Variants in SORL1-AS1 observed in about 807,000 individuals in gnomAD.
SORL1-AS1 encodes SORL1 antisense RNA 1, also known as lncRNA 51 A.
At chr11:121,440,389 A>C in the SORL1-AS1 span, among the ~76,000 whole-genome samples, 2 of 152,158 alleles carry the variant, frequency 1.3e-5, no homozygotes, top group South Asian at 4.1e-4. Flanking sequence ...AAATAAATAA[A>C]CAAACAAATA....
the SORL1-AS1 span, among the ~76,000 whole-genome samples, chr11:121,441,643 A>G: frequency 2.0e-5 from 3 of 151,776 alleles, no homozygotes; most frequent in African/African-American, 7.3e-5. Flanking sequence ...AGTGATGTGT[A>G]TGCACTGGCT....
intron 1 of SORL1-AS1, among the ~76,000 whole-genome samples, chr11:121,451,625 T>A (rs1306593902): frequency 6.6e-6 from 1 of 152,224 alleles, no homozygotes; most frequent in Non-Finnish European, 1.5e-5. Flanking sequence ...CTGTGCAGGA[T>A]GTTTATTTGC....
rs1241508891 is a variant in SORL1-AS1, at chr11:121,452,336, C to G, written n.339+339G>C. The G allele has an allele frequency of 1.9e-6, 3 of 1,541,608 alleles. No individual in the cohort carries two copies. Among genetic ancestry groups the G allele is most frequent in the Non-Finnish European group, 1.7e-6 (2 of 1,148,806 alleles). On this transcript the variant is annotated intron_variant and non_coding_transcript_variant, in intron 1 of 1. Coordinates refer to ENST00000501964, the Ensembl canonical transcript of SORL1-AS1. This position sits in a 1 kb window ranked among gnomAD's most constrained non-coding sequence, Gnocchi z 5.3. ...TGCAGTAGCGTTCGCCCGAACATGG[C>G]GACACGGAGCAGCAGGAGGGAGTCG...
chr11:121,439,993 G>A, the SORL1-AS1 span, among the ~76,000 whole-genome samples: 1 of 152,158 alleles, frequency 6.6e-6, no homozygotes, highest in South Asian at 2.1e-4. Context: ...GGATTCTGGG[G>A]GAAGTTCACA....
At chr11:121,447,520 C>T (rs1050497632) in exon 2 of SORL1-AS1, 3 of 151,958 alleles carry the variant, frequency 2.0e-5, no homozygotes, top group African/African-American at 7.3e-5. Flanking sequence ...GACACATTGC[C>T]CAGGCTGGTC....
downstream of SORL1-AS1, among the ~76,000 whole-genome samples, chr11:121,444,940 A>G (rs1860705141): frequency 6.6e-6 from 1 of 152,234 alleles, no homozygotes; most frequent in African/African-American, 2.4e-5. Context: ...ATTGAAAACG[A>G]AGAATTTTTC....
chr11:121,452,214 G>A lies in SORL1-AS1; in HGVS notation n.339+461C>T. On this transcript the variant is annotated intron_variant and non_coding_transcript_variant, in intron 1 of 1. Coordinates refer to ENST00000501964, the Ensembl canonical transcript of SORL1-AS1. The surrounding 1 kb of genome is among the most constrained non-coding windows in gnomAD (Gnocchi z 5.3). The stretch of plus-strand genomic sequence containing the variant: ...GCGCAGCGGGGCGGCCCGGAGCGGC[G>A]CGGGCGGCCTGGAGCCCCGGGAGCG... 1.5e-6 allele frequency: 1 copy of A among 650,858 alleles called. No homozygotes were observed. Among genetic ancestry groups the A allele is most frequent in the South Asian group, 6.7e-5 (1 of 14,838 alleles). 40.3% of individuals were successfully genotyped at this position (650,858 alleles called of 1,614,324 possible).
downstream of SORL1-AS1, among the ~76,000 whole-genome samples, chr11:121,445,125 C>T (rs2134749004): frequency 6.6e-6 from 1 of 152,304 alleles, no homozygotes. Context: ...ATTAAAAGCA[C>T]TTGCAGTTTT....
intron 1 of SORL1-AS1, among the ~76,000 whole-genome samples, chr11:121,451,214 G>A (rs1488554673): frequency 6.6e-6 from 1 of 152,166 alleles, no homozygotes; most frequent in Non-Finnish European, 1.5e-5. Flanking sequence ...AGGAAAGGTT[G>A]CAGTAGTACA....
rs776826453 is a variant in SORL1-AS1 at position 121,452,573 on chromosome 11, G to A, written n.339+102C>T. ...GACGAGAAGCCGCTCCGGAGGAAAC[G>A]GAGCGCTGCCCTGCAGCCCGAGCCC... On this transcript the variant is annotated intron_variant and non_coding_transcript_variant, in intron 1 of 1. Transcript: ENST00000501964. The surrounding 1 kb of genome is among the most constrained non-coding windows in gnomAD (Gnocchi z 5.3). 6.6e-7 allele frequency: 1 copy of A among 1,520,408 alleles called. No individual in the cohort carries two copies. Among genetic ancestry groups the A allele is most frequent in the East Asian group, 2.6e-5 (1 of 37,796 alleles). 94.2% of individuals were successfully genotyped at this position (1,520,408 alleles called of 1,614,324 possible). A position where few individuals can be genotyped will look rare whatever the true frequency, so the allele number is the denominator to read the frequency against.
downstream of SORL1-AS1, among the ~76,000 whole-genome samples, chr11:121,447,034 T>C (rs927979059): frequency 6.6e-6 from 1 of 152,228 alleles, no homozygotes; most frequent in Non-Finnish European, 1.5e-5. Flanking sequence ...AATCTTCAGC[T>C]TAAGTTCCTC....
rs1294880951 is a variant in SORL1-AS1 at position 121,452,228 on chromosome 11, G to A, written n.339+447C>T. On this transcript the variant is annotated intron_variant and non_coding_transcript_variant, in intron 1 of 1. Coordinates refer to ENST00000501964, the Ensembl canonical transcript of SORL1-AS1. The surrounding 1 kb of genome is among the most constrained non-coding windows in gnomAD (Gnocchi z 5.3). ...CCCGGAGCGGCGCGGGCGGCCTGGA[G>A]CCCCGGGAGCGGCGCGCGCGGTCCC... The A allele has an allele frequency of 4.4e-6, 4 of 915,718 alleles. No homozygotes were observed. The highest frequency in any genetic ancestry group is 5.6e-6 in the Non-Finnish European group (4 of 708,972). 56.7% of individuals were successfully genotyped at this position (915,718 alleles called of 1,614,324 possible). A position where few individuals can be genotyped will look rare whatever the true frequency, so the allele number is the denominator to read the frequency against.
At position 121,450,263 on chromosome 11, in the gene SORL1-AS1, T is replaced by C. The variant is rs939062335; in HGVS notation, n.340-364A>G. On this transcript the variant is annotated intron_variant and non_coding_transcript_variant, in intron 1 of 1. Coordinates refer to ENST00000501964, the Ensembl canonical transcript of SORL1-AS1. This position sits in a 1 kb window ranked among gnomAD's most constrained non-coding sequence, Gnocchi z 5.2. Reference sequence around the variant, plus strand: ...ATGTTCTCACTTTAGCCATATTCCCTTCATTTTCCTTTGAGGGCTAAATGG... The same window carrying C: ...ATGTTCTCACTTTAGCCATATTCCCCTCATTTTCCTTTGAGGGCTAAATGG... Among the ~76,000 whole-genome samples, 2 of 152,150 alleles carry C rather than the reference T, an allele frequency of 1.3e-5. No individual in the cohort carries two copies. Among genetic ancestry groups the C allele is most frequent in the Non-Finnish European group, 2.9e-5 (2 of 68,034 alleles).
chr11:121,439,481 G>A, the SORL1-AS1 span, among the ~76,000 whole-genome samples: 1 of 151,926 alleles, frequency 6.6e-6, no homozygotes, highest in East Asian at 1.9e-4. Context: ...TGAGTCCTTT[G>A]GCACCGTGGA....
At chr11:121,442,674 T>TTAC (rs1555041803), downstream of SORL1-AS1, among the ~76,000 whole-genome samples, 154 of 141,644 alleles carry the variant, frequency 1.1e-3, 1 homozygote, top group Non-Finnish European at 1.9e-3. Flanking sequence ...TATTTATTTA[T>TTAC]TTATTTATTT....
downstream of SORL1-AS1, among the ~76,000 whole-genome samples, chr11:121,442,747 C>T (rs1446740680): frequency 2.0e-5 from 3 of 148,862 alleles, no homozygotes; most frequent in Admixed American, 6.7e-5. Flanking sequence ...GGCGTGATCT[C>T]GGCTCACTGC....
At chr11:121,440,765 G>A in the SORL1-AS1 span, among the ~76,000 whole-genome samples, 6 of 152,206 alleles carry the variant, frequency 3.9e-5, no homozygotes, top group African/African-American at 1.4e-4. Context: ...ATTACCACTA[G>A]ATTATACCCT....
the SORL1-AS1 span, among the ~76,000 whole-genome samples, chr11:121,438,647 G>T: frequency 6.6e-6 from 1 of 152,010 alleles, no homozygotes; most frequent in Non-Finnish European, 1.5e-5. Context: ...TTTATTGTGG[G>T]GCAATATCTC....
At chr11:121,446,644 G>A (rs991327973), downstream of SORL1-AS1, among the ~76,000 whole-genome samples, 1 of 151,988 alleles carries the variant, frequency 6.6e-6, no homozygotes, top group East Asian at 1.9e-4. Context: ...CCAGCTACTC[G>A]GGAGGCTGAG....
Sources: gnomAD v4.1 joint callset for allele counts (sites outside exome capture counted in the v4.1 genomes callset) on GRCh38, gnomAD v4.1.1 for gene constraint, Gnocchi (gnomAD v3.1) non-coding constraint, MANE v1.5 for transcripts, NCBI Gene and HGNC (gene_info 2026-07-23, HGNC 2026-07-21) for gene names.